Variants in RBM19 observed in about 807,000 individuals in gnomAD.
RBM19 encodes the protein probable RNA-binding protein 19.
A neutral mutation model predicts 116.8 loss-of-function variants in RBM19; 94 were observed. The ratio of observed to expected loss-of-function variants is 0.80; its 90% CI spans 0.68 to 0.95. The LOEUF is 0.95. Ranked by LOEUF, RBM19 falls within the 40% of genes least tolerant of loss-of-function variation. The pLI, the probability that RBM19 is intolerant of heterozygous loss-of-function variation, is 0.00. For synonymous variants in RBM19, 475 were observed against 494.1 expected, an observed-to-expected ratio of 0.96 and a Z score of 0.51; for missense variants, 1,161 against 1,220.7, an observed-to-expected ratio of 0.95 and a Z score of 0.73.
rs1874540563 is a variant in RBM19 at position 113,823,005 on chromosome 12, C to A, written c.*219G>T. 1.8e-6 allele frequency: 1 copy of A among 563,040 alleles called. No individual in the cohort carries two copies. Among genetic ancestry groups the A allele is most frequent in the Admixed American group, 3.1e-5 (1 of 32,336 alleles). The allele number at this position is 563,040 out of a possible 1,614,324, so 34.9% of individuals were successfully genotyped here. On this transcript the variant is annotated 3_prime_UTR_variant, in exon 24 of 24. Transcript: ENST00000261741. The stretch of plus-strand genomic sequence containing the variant: ...AGAGCAGGTGCGCAGTCAGTGTCTG[C>A]TAGAACGCGTCACTGGTGAAACCCA...
intron 21 of RBM19, among the ~76,000 whole-genome samples, chr12:113,900,960 C>T (rs1881648165): frequency 6.6e-6 from 1 of 152,190 alleles, no homozygotes; most frequent in Non-Finnish European, 1.5e-5. Flanking sequence ...AGAAACATGG[C>T]TTTGTGCCCA....
Position 113,942,350 on chromosome 12 carries a change from C to T in RBM19, c.1711G>A (p.Gly571Arg), listed in dbSNP as rs779479933. 49 of 1,607,900 alleles carry T rather than the reference C, an allele frequency of 3.0e-5. No homozygotes were observed. The highest frequency in any genetic ancestry group is 1.7e-4 in the Admixed American group (10 of 59,990). The change falls in exon 14 of 24, where the codon GGG becomes AGG. Residue 571 changes from glycine to arginine, a missense_variant. Coordinates refer to ENST00000261741, the MANE Select transcript of RBM19 (RefSeq NM_016196.4). ...TGGCTGAAGGAATCCAGGCTGACCC[C>T]GTTGTCTATGAGAAAACGCCGCACT... ...QEVRRFLIDNGVSLDSFSQAA... is the reference protein window; with the variant it reads ...QEVRRFLIDNRVSLDSFSQAA...
chr12:113,957,722 G>A (rs534972346), intron 6 of RBM19, 60 bp downstream of exon 6: 2 of 1,518,704 alleles, frequency 1.3e-6, no homozygotes, highest in South Asian at 2.7e-5. Flanking sequence ...GAGCTGTGGG[G>A]ACCACGGGCA....
chr12:113,856,770 G>A (rs1410500790), intron 22 of RBM19, among the ~76,000 whole-genome samples: 2 of 152,122 alleles, frequency 1.3e-5, no homozygotes, highest in South Asian at 2.1e-4. Context: ...AATGCCTTCC[G>A]CCTCCTCATC....
intron 7 of RBM19, 23 bp downstream of exon 7, chr12:113,955,108 C>A: frequency 6.2e-7 from 1 of 1,612,528 alleles, no homozygotes; most frequent in Non-Finnish European, 8.5e-7. Context: ...GGCTGCCGAC[C>A]CTTGTCCTCA....
chr12:113,887,626 C>T (rs1323954908), intron 21 of RBM19, among the ~76,000 whole-genome samples: 12 of 87,440 alleles, frequency 1.4e-4, no homozygotes, highest in African/African-American at 5.6e-4. Context: ...CAGAGCAAGA[C>T]TCCATCTCAA....
chr12:113,837,627 G>C (rs1876086822), intron 23 of RBM19, among the ~76,000 whole-genome samples: 1 of 152,162 alleles, frequency 6.6e-6, no homozygotes, highest in Admixed American at 6.5e-5. Context: ...CGGGTATGAG[G>C]ACACATTCAG....
intron 12 of RBM19, 104 bp from the exon 13 acceptor site, chr12:113,946,028 C>G: frequency 9.5e-7 from 1 of 1,055,768 alleles, no homozygotes; most frequent in South Asian, 1.5e-5. Context: ...GCCTGCCTAT[C>G]TACATGCCCC....
chr12:113,836,697 G>A (rs1319747363), intron 23 of RBM19, among the ~76,000 whole-genome samples: 1 of 151,982 alleles, frequency 6.6e-6, no homozygotes, highest in Non-Finnish European at 1.5e-5. Context: ...GCTCCTATTA[G>A]GTGCCAGGCT....
At chr12:113,944,501 C>T (rs980850947) in intron 13 of RBM19, among the ~76,000 whole-genome samples, 4 of 152,138 alleles carry the variant, frequency 2.6e-5, no homozygotes, top group Middle Eastern at 3.4e-3. Flanking sequence ...ATACTTTGTA[C>T]TTCATATATA....
At chr12:113,845,293 C>T (rs1425932468) in intron 22 of RBM19, among the ~76,000 whole-genome samples, 22 of 152,176 alleles carry the variant, frequency 1.4e-4, no homozygotes, top group African/African-American at 4.6e-4. Flanking sequence ...GTGCCCTTCG[C>T]TTCCTCGCTG....
At chr12:113,863,676 T>G (rs1173705340) in intron 21 of RBM19, among the ~76,000 whole-genome samples, 1 of 152,152 alleles carries the variant, frequency 6.6e-6, no homozygotes, top group Non-Finnish European at 1.5e-5. Context: ...TCTCCCCACC[T>G]GCACCCAAGG....
chr12:113,840,114 T>C (rs1054287158), intron 23 of RBM19, among the ~76,000 whole-genome samples: 1 of 152,228 alleles, frequency 6.6e-6, no homozygotes, highest in Non-Finnish European at 1.5e-5. Context: ...GAAGACAAAG[T>C]TTCATGGATT....
intron 16 of RBM19, among the ~76,000 whole-genome samples, chr12:113,932,245 A>C (rs1869669023): frequency 6.6e-6 from 1 of 152,148 alleles, no homozygotes; most frequent in Non-Finnish European, 1.5e-5. Context: ...GCTGGCCATC[A>C]TGGTGCCTAC....
At chr12:113,821,575 C>G (rs772866494), downstream of RBM19, among the ~76,000 whole-genome samples, 24 of 152,226 alleles carry the variant, frequency 1.6e-4, no homozygotes, top group Non-Finnish European at 3.1e-4. Flanking sequence ...GCCCCCACAT[C>G]CAGAAGGCTG....
intron 21 of RBM19, among the ~76,000 whole-genome samples, chr12:113,895,282 G>A (rs1378181839): frequency 3.9e-5 from 6 of 152,168 alleles, no homozygotes; most frequent in East Asian, 1.9e-4. Flanking sequence ...TTGGTTGGGC[G>A]GGAGAGAGTG....
chr12:113,875,895 C>T (rs373601127), intron 21 of RBM19, among the ~76,000 whole-genome samples: 3 of 152,144 alleles, frequency 2.0e-5, no homozygotes, highest in East Asian at 3.9e-4. Flanking sequence ...GTGTGAATCT[C>T]GGCCACACCT....
At position 113,960,104 on chromosome 12, in the gene RBM19, C is replaced by T. The variant is rs751346534; in HGVS notation, c.294G>A (p.Gln98=). 1.5e-5 allele frequency: 24 copies of T among 1,614,078 alleles called. No homozygotes were observed. The highest frequency in any genetic ancestry group is 2.0e-5 in the Non-Finnish European group (24 of 1,180,042). Residue 98 remains glutamine (Q), a synonymous_variant, in exon 3 of 24, where the codon CAG becomes CAA. Transcript: ENST00000261741. ...TAGAGTCTTTTGGAGGCTGCTTGGG[C>T]TGGCTTGGTTTCTGGGCATGTTTGC... is the stretch of plus-strand genomic sequence containing the variant. ...AWSKHAQKPS[Q]PKQPPKDSTT...
intron 21 of RBM19, among the ~76,000 whole-genome samples, chr12:113,912,941 C>T (rs1882537365): frequency 1.3e-5 from 2 of 152,260 alleles, no homozygotes; most frequent in East Asian, 1.9e-4. Context: ...GAGTGAACAA[C>T]AATAGCAGGT....
Sources: gnomAD v4.1 joint callset for allele counts (sites outside exome capture counted in the v4.1 genomes callset) on GRCh38, gnomAD v4.1.1 for gene constraint, MANE v1.5 for transcripts, NCBI Gene and HGNC (gene_info 2026-07-23, HGNC 2026-07-21) for gene names.